TTC27: variants seen among roughly 807,000 people sequenced by gnomAD.
The protein encoded by TTC27 is tetratricopeptide repeat protein 27.
In TTC27, 79 loss-of-function variants were observed where a neutral mutation model predicts 115.9. That is an observed-to-expected ratio of 0.68 (90% CI 0.57 to 0.82). TTC27 has a LOEUF of 0.82. TTC27 is among the 40% of genes least tolerant of loss of function. The pLI is 0.00. For synonymous variants in TTC27, 401 were observed against 356.0 expected (o/e 1.13, Z -1.42); for missense variants, 1,054 against 993.1 (o/e 1.06, Z -0.82).
At chr2:32,682,167 T>G (rs577954152) in intron 9 of TTC27, among the ~76,000 whole-genome samples, 1 of 152,096 alleles carries the variant, frequency 6.6e-6, no homozygotes, top group South Asian at 2.1e-4. Context: ...AATAAGAAAA[T>G]GAATGAAATA....
intron 9 of TTC27, among the ~76,000 whole-genome samples, chr2:32,695,935 A>C (rs888885341): frequency 6.6e-6 from 1 of 151,224 alleles, no homozygotes; most frequent in Non-Finnish European, 1.5e-5. Context: ...ATAAAATATT[A>C]TGAAAGTAAA....
intron 13 of TTC27, among the ~76,000 whole-genome samples, chr2:32,760,928 C>T (rs534388922): frequency 6.6e-6 from 1 of 152,328 alleles, no homozygotes; most frequent in African/African-American, 2.4e-5. Flanking sequence ...GCCTTAAAGG[C>T]TTAGTCCTTG....
intron 5 of TTC27, among the ~76,000 whole-genome samples, chr2:32,657,234 C>T (rs1182945486): frequency 1.3e-5 from 2 of 152,062 alleles, no homozygotes; most frequent in Non-Finnish European, 2.9e-5. Flanking sequence ...GTCTGCCCAC[C>T]TCAGTGAAGT....
intron 3 of TTC27, among the ~76,000 whole-genome samples, chr2:32,638,568 G>T (rs1385830091): frequency 6.6e-6 from 1 of 151,514 alleles, no homozygotes; most frequent in Admixed American, 6.6e-5. Context: ...TAGTAGAGAT[G>T]GGGTTTCACC....
At chr2:32,693,123 A>T (rs1294801630) in intron 9 of TTC27, among the ~76,000 whole-genome samples, 1 of 152,232 alleles carries the variant, frequency 6.6e-6, no homozygotes, top group East Asian at 1.9e-4. Flanking sequence ...TCCTTAAGAA[A>T]GTCCCAGAAC....
chr2:32,804,987 A>G (rs1671080446), intron 16 of TTC27, among the ~76,000 whole-genome samples: 1 of 152,236 alleles, frequency 6.6e-6, no homozygotes, highest in Admixed American at 6.5e-5. Context: ...AGTTACTAGC[A>G]TACATATTTC....
chr2:32,768,114 A>T (rs921241106), intron 13 of TTC27, among the ~76,000 whole-genome samples: 8 of 152,242 alleles, frequency 5.3e-5, no homozygotes, highest in Admixed American at 3.9e-4. Context: ...TACTCAGAAT[A>T]ATTAATTTTA....
At chr2:32,799,484 CCAAA>C (rs1217498714) in intron 16 of TTC27, among the ~76,000 whole-genome samples, 1 of 152,036 alleles carries the variant, frequency 6.6e-6, no homozygotes, top group East Asian at 1.9e-4. Context: ...TTATGATACA[CCAAA>C]CAAACTCCAG....
chr2:32,816,589 G>A (rs113525076), intron 18 of TTC27, among the ~76,000 whole-genome samples: 3 of 152,192 alleles, frequency 2.0e-5, no homozygotes, highest in Admixed American at 6.5e-5. Context: ...GTAGTTTCAG[G>A]TTTTGGGAAA....
At chr2:32,785,308 C>CA (rs1469192986) in intron 15 of TTC27, among the ~76,000 whole-genome samples, 2 of 152,050 alleles carry the variant, frequency 1.3e-5, no homozygotes, top group Admixed American at 6.5e-5. Context: ...GTGAAATATA[C>CA]TTTTGATCAT....
At chr2:32,773,754 G>A (rs1487852437) in intron 13 of TTC27, among the ~76,000 whole-genome samples, 3 of 152,196 alleles carry the variant, frequency 2.0e-5, no homozygotes, top group Admixed American at 6.5e-5. Flanking sequence ...AATTATTTTG[G>A]TTGTTATTGT....
intron 16 of TTC27, among the ~76,000 whole-genome samples, chr2:32,801,878 C>T (rs765082392): frequency 6.6e-6 from 1 of 152,118 alleles, no homozygotes; most frequent in Admixed American, 6.6e-5. Flanking sequence ...TGATGGAAAA[C>T]TAATAAAACT....
intron 14 of TTC27, 77 bp from the exon 15 acceptor site, chr2:32,782,549 T>A: frequency 8.0e-7 from 1 of 1,249,406 alleles, no homozygotes; most frequent in East Asian, 2.3e-5. Context: ...ACTAGGAGAG[T>A]GTGTTGTACT....
intron 4 of TTC27, 23 bp from the exon 5 acceptor site, chr2:32,650,108 G>T (rs1181600957): frequency 1.9e-6 from 3 of 1,584,492 alleles, no homozygotes; most frequent in Non-Finnish European, 2.6e-6. Flanking sequence ...TTTTATTTCA[G>T]CTTACGTGGT....
At chr2:32,673,020 C>G (rs1192194601) in intron 8 of TTC27, among the ~76,000 whole-genome samples, 1 of 152,152 alleles carries the variant, frequency 6.6e-6, no homozygotes, top group South Asian at 2.1e-4. Context: ...CAGATACTCT[C>G]TTTTAGAAAA....
intron 4 of TTC27, among the ~76,000 whole-genome samples, chr2:32,641,432 C>T (rs1664643779): frequency 2.0e-5 from 3 of 152,212 alleles, no homozygotes; most frequent in South Asian, 4.1e-4. Context: ...ATACTTCTCA[C>T]ATTCACAAAA....
Position 32,758,249 on chromosome 2 carries a change from G to A in TTC27, c.1453-43G>A, listed in dbSNP as rs534132131. The A allele has an allele frequency of 7.1e-6, 11 of 1,552,282 alleles. No homozygotes were observed. In the East Asian group the frequency reaches 2.2e-4, roughly 32 times the overall value. On this transcript the variant is annotated intron_variant, in intron 12 of 19. Coordinates refer to ENST00000317907, the MANE Select transcript of TTC27 (RefSeq NM_017735.5). ...ATATGTGCTAAAAAAAAAAATAGCA[G>A]TTAATCACTCTTAAGCAATTTCATT...
chr2:32,773,495 A>G (rs1669896741), intron 13 of TTC27, among the ~76,000 whole-genome samples: 1 of 152,170 alleles, frequency 6.6e-6, no homozygotes, highest in Non-Finnish European at 1.5e-5. Flanking sequence ...CAAGGATGGT[A>G]TTGCCATAAA....
At chr2:32,766,420 G>C (rs758691393) in intron 13 of TTC27, 4 of 341,432 alleles carry the variant, frequency 1.2e-5, no homozygotes, top group Non-Finnish European at 2.4e-5. Context: ...ACGCTGAGAG[G>C]CACTGTAGGG....
Sources: gnomAD v4.1 joint callset for allele counts (sites outside exome capture counted in the v4.1 genomes callset) on GRCh38, gnomAD v4.1.1 for gene constraint, MANE v1.5 for transcripts, NCBI Gene and HGNC (gene_info 2026-07-23, HGNC 2026-07-21) for gene names.